Variants in MYO10 observed in about 807,000 individuals in gnomAD.
MYO10 encodes the protein myosin X, also known as unconventional myosin-X.
In MYO10, 133 loss-of-function variants were observed where a neutral mutation model predicts 257.3. That is an observed-to-expected ratio of 0.52 (90% CI 0.45 to 0.60). The LOEUF is 0.60. Among genes scored for constraint, MYO10 ranks in the 20% least tolerant of loss-of-function variants. MYO10 has a pLI of 0.00. For synonymous variants in MYO10, 1,104 were observed against 1,028.6 expected, an observed-to-expected ratio of 1.07 and a Z score of -1.40; for missense variants, 2,399 against 2,635.7, an observed-to-expected ratio of 0.91 and a Z score of 1.97.
At chr5:16,748,341 T>C (rs1232162934) in intron 19 of MYO10, among the ~76,000 whole-genome samples, 5 of 152,072 alleles carry the variant, frequency 3.3e-5, no homozygotes, top group South Asian at 4.2e-4. Context: ...ACCTCCTGGG[T>C]TCAAACAACT....
intron 1 of MYO10, among the ~76,000 whole-genome samples, chr5:16,919,600 GAATT>G (rs1281629039): frequency 1.3e-5 from 2 of 152,100 alleles, no homozygotes; most frequent in African/African-American, 4.8e-5. Flanking sequence ...CAGATTAAAT[GAATT>G]AATACATGTA....
chr5:16,826,045 G>C (rs1242782408), intron 2 of MYO10, among the ~76,000 whole-genome samples: 2 of 152,026 alleles, frequency 1.3e-5, no homozygotes, highest in African/African-American at 2.4e-5. Flanking sequence ...CTATTTGGGA[G>C]GCAGAGGCAA....
intron 17 of MYO10, 89 bp downstream of exon 17, chr5:16,761,375 A>G (rs1740708518): frequency 9.8e-7 from 1 of 1,024,374 alleles, no homozygotes; most frequent in African/African-American, 1.6e-5. Context: ...CTTACATAAC[A>G]GCAATTTGTT....
intron 19 of MYO10, 63 bp from the exon 20 acceptor site, chr5:16,711,308 C>G: frequency 6.6e-7 from 1 of 1,511,968 alleles, no homozygotes; most frequent in Non-Finnish European, 9.0e-7. Context: ...ATAAGGGAGG[C>G]TTAATAAAGC....
At chr5:16,679,924 T>C in intron 33 of MYO10, 23 bp downstream of exon 33, 1 of 1,609,984 alleles carries the variant, frequency 6.2e-7, no homozygotes, top group Non-Finnish European at 8.5e-7. Flanking sequence ...ATCACCCACC[T>C]TGATGGGCTT....
At chr5:16,806,743 A>G (rs1310372314) in intron 3 of MYO10, among the ~76,000 whole-genome samples, 4 of 152,148 alleles carry the variant, frequency 2.6e-5, no homozygotes, top group Admixed American at 6.6e-5. Flanking sequence ...CAGGTTGGAT[A>G]TCACAATCCC....
At chr5:16,868,209 G>A (rs891448812) in intron 2 of MYO10, among the ~76,000 whole-genome samples, 1 of 152,152 alleles carries the variant, frequency 6.6e-6, no homozygotes, top group Admixed American at 6.5e-5. Flanking sequence ...GTGACTGCTC[G>A]TGCACCTCCT....
At chr5:16,857,590 A>G (rs147130806) in intron 2 of MYO10, among the ~76,000 whole-genome samples, 1,709 of 152,314 alleles carry the variant, frequency 0.011, 33 homozygotes, top group Middle Eastern at 0.034. Context: ...GAAGCTCTGG[A>G]TTGAGACCTA....
intron 21 of MYO10, among the ~76,000 whole-genome samples, chr5:16,710,169 G>C (rs1738533498): frequency 6.7e-6 from 1 of 150,102 alleles, no homozygotes; most frequent in South Asian, 2.1e-4. Context: ...GAGGACACAT[G>C]TGTCCTCAGC....
At chr5:16,859,469 G>T (rs1198120219) in intron 2 of MYO10, among the ~76,000 whole-genome samples, 1 of 152,152 alleles carries the variant, frequency 6.6e-6, no homozygotes, top group Non-Finnish European at 1.5e-5. Flanking sequence ...GGAAGTTTGG[G>T]GCCAGGTGCA....
intron 2 of MYO10, among the ~76,000 whole-genome samples, chr5:16,844,854 G>A (rs1328607121): frequency 3.4e-5 from 5 of 147,192 alleles, no homozygotes; most frequent in African/African-American, 1.2e-4. Context: ...GGGGTGGGAG[G>A]CTGCTGTCCA....
rs372673284 is a variant in MYO10 at position 16,701,338 on chromosome 5, T to G, written c.3057A>C (p.Arg1019=). 1.9e-6 allele frequency: 3 copies of G among 1,613,770 alleles called. No homozygotes were observed. In the African/African-American group the frequency reaches 4.0e-5, roughly 22 times the overall value. The change falls in exon 25 of 41, where the codon CGA becomes CGC. Residue 1019 remains arginine (R), a synonymous_variant. Coordinates refer to ENST00000513610, the MANE Select transcript of MYO10 (RefSeq NM_012334.3). This position sits in a 1 kb window ranked among gnomAD's most constrained non-coding sequence, Gnocchi z 8.1. The part of the protein sequence containing the change: ...NPSEHGHSDQ[R]TSGIRTSDDS... ...CATCGCTGGTCCGGATGCCACTTGT[T>G]CGCTGGTCTGAGTGGCCGTGCTCGC... is the stretch of plus-strand genomic sequence containing the variant.
chr5:16,674,030 G>C (rs184868520), intron 35 of MYO10, 141 bp from the exon 36 acceptor site: 10 of 692,500 alleles, frequency 1.4e-5, no homozygotes, highest in Non-Finnish European at 2.4e-5. Flanking sequence ...GTGACTTCTT[G>C]GCAAGGGCCC....
intron 2 of MYO10, among the ~76,000 whole-genome samples, chr5:16,844,937 T>TAC (rs758225533): frequency 7.6e-4 from 110 of 145,092 alleles, no homozygotes; most frequent in African/African-American, 2.1e-3. Flanking sequence ...TAATTCCAGA[T>TAC]ACACACACAC....
intron 2 of MYO10, among the ~76,000 whole-genome samples, chr5:16,828,620 C>CAA (rs71595993): frequency 2.9e-4 from 25 of 85,754 alleles, no homozygotes; most frequent in East Asian, 1.8e-3. Flanking sequence ...ACTCTGTCTC[C>CAA]AAAAAAAAAA....
chr5:16,768,499 C>G (rs80322637), intron 10 of MYO10, among the ~76,000 whole-genome samples: 6 of 152,028 alleles, frequency 3.9e-5, no homozygotes, highest in Non-Finnish European at 5.9e-5. Context: ...CATATTTCCA[C>G]GTACTTGACT....
In MYO10 at chr5:16,741,232, C is replaced by T. The variant is rs150099293; in HGVS notation, c.1929+13596G>A. ...TATGCCTCATCAGGTTTTTCCAGGC[C>T]GATTGCAAAATTCCAACATGTGTAT... On this transcript the variant is annotated intron_variant, in intron 19 of 40. Coordinates refer to ENST00000513610, the MANE Select transcript of MYO10 (RefSeq NM_012334.3). Among the ~76,000 whole-genome samples, 337 of 152,186 alleles carry T rather than the reference C, an allele frequency of 2.2e-3. 1 individual carries two copies. The highest frequency in any genetic ancestry group is 3.4e-3 in the Non-Finnish European group (232 of 68,004).
At chr5:16,857,557 C>T (rs143534100) in intron 2 of MYO10, among the ~76,000 whole-genome samples, 184 of 152,316 alleles carry the variant, frequency 1.2e-3, no homozygotes, top group African/African-American at 4.3e-3. Context: ...CATTTGCAGG[C>T]TCCTAAAACA....
rs541083491 is a variant in MYO10, at chr5:16,856,992, T to C, written c.120+20617A>G. On this transcript the variant is annotated intron_variant, in intron 2 of 40. Coordinates refer to ENST00000513610, the MANE Select transcript of MYO10 (RefSeq NM_012334.3). ...ACAAGCAATATGTATCAGCCTATCA[T>C]GGCAAATGATAAGTTAACGATTTAA... Among the ~76,000 whole-genome samples, 5 of 152,364 alleles carry C rather than the reference T, an allele frequency of 3.3e-5. No individual in the cohort carries two copies. In the South Asian group the frequency reaches 6.2e-4, roughly 19 times the overall value.
Sources: gnomAD v4.1 joint callset for allele counts (sites outside exome capture counted in the v4.1 genomes callset) on GRCh38, gnomAD v4.1.1 for gene constraint, Gnocchi (gnomAD v3.1) non-coding constraint, MANE v1.5 for transcripts, NCBI Gene and HGNC (gene_info 2026-07-23, HGNC 2026-07-21) for gene names.